Variants in PRELID2 observed in about 807,000 individuals in gnomAD.
The protein encoded by PRELID2 is PRELI domain-containing protein 2.
A neutral mutation model predicts 28.4 loss-of-function variants in PRELID2; 25 were observed. That is an observed-to-expected ratio of 0.88 (90% CI 0.64 to 1.23). PRELID2 has a LOEUF of 1.23. Ranked by LOEUF, PRELID2 falls within the 50% of genes most tolerant of loss-of-function variation. The pLI is 0.00. For missense variants in PRELID2, 201 were observed against 214.4 expected, an observed-to-expected ratio of 0.94 and a Z score of 0.39; for synonymous variants, 76 against 71.6, an observed-to-expected ratio of 1.06 and a Z score of -0.31.
intron 1 of PRELID2, among the ~76,000 whole-genome samples, chr5:145,630,466 T>C (rs1007296245): frequency 2.0e-5 from 3 of 152,204 alleles, no homozygotes; most frequent in African/African-American, 7.2e-5. Context: ...GGAAGAACTG[T>C]AAGACAAACA....
At chr5:145,582,139 T>A (rs961739569) in intron 1 of PRELID2, among the ~76,000 whole-genome samples, 1 of 152,036 alleles carries the variant, frequency 6.6e-6, no homozygotes, top group African/African-American at 2.4e-5. Context: ...ATCCCCACTC[T>A]ATCACCTACT....
chr5:145,709,468 T>C (rs1240915703), intron 1 of PRELID2, among the ~76,000 whole-genome samples: 2 of 152,112 alleles, frequency 1.3e-5, no homozygotes, highest in Non-Finnish European at 2.9e-5. Context: ...TCAGAATTGC[T>C]TCATCATGCA....
chr5:145,801,211 A>T (rs1753118649), intron 4 of PRELID2, among the ~76,000 whole-genome samples: 1 of 152,234 alleles, frequency 6.6e-6, no homozygotes, highest in Non-Finnish European at 1.5e-5. Flanking sequence ...AAATAAATAA[A>T]GCATTTTATA....
chr5:145,485,156 G>A lies in PRELID2; in HGVS notation n.71-11841C>T, dbSNP rs115542529. Among the ~76,000 whole-genome samples, 1,089 of 152,228 alleles carry A rather than the reference G, an allele frequency of 7.2e-3. 17 individuals are homozygous for A. The highest frequency in any genetic ancestry group is 0.024 in the African/African-American group (1,010 of 41,540). The stretch of plus-strand genomic sequence containing the variant: ...TAATAAAACTAAAATATAACAGAAA[G>A]CTCTGGTTTGTCTTTTTAAAATGAA... On this transcript the variant is annotated intron_variant and non_coding_transcript_variant, in intron 1 of 2. Coordinates refer to the PRELID2 transcript ENST00000510259.
intron 1 of PRELID2, among the ~76,000 whole-genome samples, chr5:145,700,241 T>C (rs924682370): frequency 3.9e-5 from 6 of 152,106 alleles, no homozygotes; most frequent in Non-Finnish European, 8.8e-5. Flanking sequence ...GTAATGATTT[T>C]AGGACCCACA....
intron 1 of PRELID2, among the ~76,000 whole-genome samples, chr5:145,581,588 G>A (rs1468046008): frequency 6.6e-6 from 1 of 151,980 alleles, no homozygotes; most frequent in Admixed American, 6.6e-5. Flanking sequence ...TGCATTGTTA[G>A]GAGTTAAAAT....
chr5:145,275,251 C>A, the PRELID2 span, among the ~76,000 whole-genome samples: 1 of 152,102 alleles, frequency 6.6e-6, no homozygotes, highest in Non-Finnish European at 1.5e-5. Context: ...TAAAGGAAGA[C>A]ATGGCCCTGT....
intron 1 of PRELID2, among the ~76,000 whole-genome samples, chr5:145,737,923 G>A (rs1756543888): frequency 6.6e-6 from 1 of 152,194 alleles, no homozygotes; most frequent in East Asian, 1.9e-4. Flanking sequence ...GGCAGAAGGA[G>A]ATACCTCTTT....
chr5:145,258,986 T>C, the PRELID2 span, among the ~76,000 whole-genome samples: 1 of 152,116 alleles, frequency 6.6e-6, no homozygotes, highest in Non-Finnish European at 1.5e-5. Context: ...TCCCAGTCAC[T>C]CCAGCTCCAG....
chr5:145,812,602 G>T (rs777871740), intron 4 of PRELID2, among the ~76,000 whole-genome samples: 1 of 152,138 alleles, frequency 6.6e-6, no homozygotes, highest in Non-Finnish European at 1.5e-5. Context: ...TTAGAGCAGA[G>T]CCTGCACATA....
chr5:145,731,011 A>C (rs1313807638), intron 1 of PRELID2, among the ~76,000 whole-genome samples: 3 of 152,150 alleles, frequency 2.0e-5, no homozygotes, highest in Non-Finnish European at 4.4e-5. Context: ...ACATACTCTT[A>C]ATCTGTAAGA....
At chr5:145,641,033 A>T (rs1215794297) in intron 1 of PRELID2, among the ~76,000 whole-genome samples, 1 of 152,228 alleles carries the variant, frequency 6.6e-6, no homozygotes, top group Non-Finnish European at 1.5e-5. Context: ...AATTTAAAGA[A>T]AAAACAAAAT....
At chr5:145,711,479 T>C (rs1488906515) in intron 1 of PRELID2, among the ~76,000 whole-genome samples, 1 of 152,152 alleles carries the variant, frequency 6.6e-6, no homozygotes, top group Non-Finnish European at 1.5e-5. Context: ...TGTGAAAGGC[T>C]AAGTGAGCGC....
chr5:145,783,450 T>C (rs922988515), intron 5 of PRELID2, among the ~76,000 whole-genome samples: 1 of 152,154 alleles, frequency 6.6e-6, no homozygotes, highest in African/African-American at 2.4e-5. Context: ...GCAGGGCTGA[T>C]GGGGAAGGAG....
chr5:145,777,786 T>C (rs908377788), intron 5 of PRELID2, among the ~76,000 whole-genome samples: 3 of 151,740 alleles, frequency 2.0e-5, no homozygotes, highest in Non-Finnish European at 4.4e-5. Context: ...CAAAGCACAC[T>C]GCAAACCAAG....
chr5:145,613,949 C>T (rs191580807), intron 1 of PRELID2, among the ~76,000 whole-genome samples: 156 of 152,252 alleles, frequency 1.0e-3, no homozygotes, highest in African/African-American at 3.5e-3. Context: ...TTTATAGTTT[C>T]AGGTATTAGA....
chr5:145,404,133 A>G, the PRELID2 span, among the ~76,000 whole-genome samples: 2 of 152,206 alleles, frequency 1.3e-5, no homozygotes, highest in East Asian at 3.8e-4. Flanking sequence ...AATTAAGCGT[A>G]ACATTCTCTG....
At chr5:145,275,609 G>A in the PRELID2 span, among the ~76,000 whole-genome samples, 3 of 152,142 alleles carry the variant, frequency 2.0e-5, no homozygotes, top group Admixed American at 6.6e-5. Flanking sequence ...AGCCATAAGC[G>A]GATGTCAGAC....
At chr5:145,343,264 T>C in the PRELID2 span, among the ~76,000 whole-genome samples, 3 of 151,980 alleles carry the variant, frequency 2.0e-5, no homozygotes, top group Non-Finnish European at 4.4e-5. Context: ...ATAGGCCACA[T>C]GTTATAGGCC....
Sources: gnomAD v4.1 joint callset for allele counts (sites outside exome capture counted in the v4.1 genomes callset) on GRCh38, gnomAD v4.1.1 for gene constraint, MANE v1.5 for transcripts, NCBI Gene and HGNC (gene_info 2026-07-23, HGNC 2026-07-21) for gene names.